The following CPNE2 variants were observed in gnomAD, a reference collection of about 807,000 sequenced individuals.
The protein encoded by CPNE2 is copine-2.
A neutral mutation model predicts 69.7 loss-of-function variants in CPNE2; 42 were observed. The observed-to-expected ratio is 0.60, with a 90% CI of 0.47 to 0.78. CPNE2 has a LOEUF of 0.78. Among genes scored for constraint, CPNE2 ranks in the 30% least tolerant of loss-of-function variants. The pLI, the probability that CPNE2 is intolerant of heterozygous loss-of-function variation, is 0.00. For synonymous variants in CPNE2, 294 were observed against 289.8 expected (o/e 1.01, Z -0.15); for missense variants, 587 against 732.0 (o/e 0.80, Z 2.29).
chr16:57,119,981 T>C (rs2069749560), intron 7 of CPNE2, among the ~76,000 whole-genome samples: 1 of 152,210 alleles, frequency 6.6e-6, no homozygotes, highest in African/African-American at 2.4e-5. Flanking sequence ...CTAAAAGCTC[T>C]CAGTCCTCTG....
At chr16:57,104,297 G>A (rs1424830151) in intron 1 of CPNE2, among the ~76,000 whole-genome samples, 1 of 152,234 alleles carries the variant, frequency 6.6e-6, no homozygotes, top group African/African-American at 2.4e-5. Flanking sequence ...AGGTCACAGA[G>A]CAGTTAAATG....
chr16:57,138,148 G>A (rs2069896572), intron 14 of CPNE2, among the ~76,000 whole-genome samples: 2 of 152,352 alleles, frequency 1.3e-5, no homozygotes, highest in African/African-American at 4.8e-5. Flanking sequence ...CTGGGTTGAG[G>A]AGACTTGACT....
chr16:57,093,169 T>C (rs906621170), intron 1 of CPNE2, among the ~76,000 whole-genome samples: 12 of 151,936 alleles, frequency 7.9e-5, no homozygotes, highest in African/African-American at 2.9e-4. Flanking sequence ...GAGGTCGCCC[T>C]GGCTCTCGGC....
chr16:57,144,153 G>C (rs922992734), intron 14 of CPNE2: 6 of 152,286 alleles, frequency 3.9e-5, no homozygotes, highest in South Asian at 4.1e-4. Flanking sequence ...GCCAGGGATG[G>C]GGGGCTGGCA....
chr16:57,123,937 C>T (rs75095217), intron 10 of CPNE2: 153 of 187,834 alleles, frequency 8.1e-4, no homozygotes, highest in African/African-American at 3.6e-3. Flanking sequence ...TGAAACACTT[C>T]CCCAGAACCT....
intron 13 of CPNE2, among the ~76,000 whole-genome samples, chr16:57,136,537 G>A (rs1431543992): frequency 4.6e-5 from 7 of 152,210 alleles, no homozygotes; most frequent in Non-Finnish European, 1.0e-4. Flanking sequence ...AACTGCCAGA[G>A]TGTAGATTAT....
At chr16:57,137,906 CA>C (rs2145279326) in intron 14 of CPNE2, among the ~76,000 whole-genome samples, 1 of 152,342 alleles carries the variant, frequency 6.6e-6, no homozygotes, top group Admixed American at 6.5e-5. Context: ...TCACCTTGCC[CA>C]CCTCCCCATT....
intron 1 of CPNE2, among the ~76,000 whole-genome samples, chr16:57,094,532 C>G (rs1184209674): frequency 6.6e-6 from 1 of 152,190 alleles, no homozygotes; most frequent in Non-Finnish European, 1.5e-5. Flanking sequence ...TCCTCCCAGT[C>G]CTCAGTTTTT....
Position 57,146,588 on chromosome 16 carries a change from T to G in CPNE2, c.1539+267T>G. 2.1e-6 allele frequency: 1 copy of G among 466,574 alleles called. No individual in the cohort carries two copies. The highest frequency in any genetic ancestry group is 3.9e-6 in the Non-Finnish European group (1 of 257,718). The allele number at this position is 466,574 out of a possible 1,614,324, so 28.9% of individuals were successfully genotyped here. ...CTAGCCTGAGGCTCTGGGGCAGGGC[T>G]TCCTGGAGGACCTGCCCTCTAGTGG... On this transcript the variant is annotated intron_variant, in intron 15 of 15. Coordinates refer to ENST00000290776, the MANE Select transcript of CPNE2 (RefSeq NM_152727.6). The surrounding 1 kb of genome is among the most constrained non-coding windows in gnomAD (Gnocchi z 4.4).
intron 8 of CPNE2, among the ~76,000 whole-genome samples, 181 bp downstream of exon 8, chr16:57,121,372 G>A (rs564522564): frequency 6.6e-6 from 1 of 152,288 alleles, no homozygotes; most frequent in South Asian, 2.1e-4. Context: ...ATTTGGGTGG[G>A]GATTGAATGA....
intron 1 of CPNE2, among the ~76,000 whole-genome samples, chr16:57,099,748 T>C (rs7203538): frequency 0.22 from 33,047 of 149,342 alleles, 4,950 homozygotes; most frequent in East Asian, 0.59. Context: ...ATTACAGGCA[T>C]CCGCCACCAT....
At chr16:57,110,230 T>C (rs1418020601) in intron 1 of CPNE2, among the ~76,000 whole-genome samples, 15 of 149,470 alleles carry the variant, frequency 1.0e-4, no homozygotes, top group South Asian at 4.2e-4. Context: ...TTTTCTTTTT[T>C]TTTTTTTTTT....
intron 11 of CPNE2, among the ~76,000 whole-genome samples, chr16:57,127,221 C>A (rs933622989): frequency 5.3e-5 from 8 of 152,018 alleles, no homozygotes; most frequent in African/African-American, 1.7e-4. Context: ...TTTGATTGGG[C>A]CTTAGAGGAT....
chr16:57,127,916 G>T lies in CPNE2; in HGVS notation c.1116+13G>T. On this transcript the variant is annotated intron_variant, in intron 12 of 15. Transcript: ENST00000290776. ...CCCAGACTGGAAGGTGAGTGAAACC[G>T]GAGTTAGTTTCCTTTTGGTTGAGAT... The T allele has an allele frequency of 6.2e-7, 1 of 1,613,908 alleles. No individual in the cohort carries two copies. Among genetic ancestry groups the T allele is most frequent in the Non-Finnish European group, 8.5e-7 (1 of 1,179,792 alleles).
chr16:57,122,674 C>A (rs1389131396), intron 9 of CPNE2, among the ~76,000 whole-genome samples: 1 of 152,142 alleles, frequency 6.6e-6, no homozygotes, highest in Non-Finnish European at 1.5e-5. Context: ...CTCACTGCAA[C>A]CTCCGCCTTC....
chr16:57,111,375 G>A (rs1408524066), intron 2 of CPNE2, among the ~76,000 whole-genome samples: 3 of 152,088 alleles, frequency 2.0e-5, no homozygotes, highest in East Asian at 1.9e-4. Flanking sequence ...ATGGGTTTTC[G>A]CCATGTTGGC....
intron 12 of CPNE2, among the ~76,000 whole-genome samples, chr16:57,128,316 G>A (rs1455560163): frequency 2.6e-5 from 4 of 152,034 alleles, no homozygotes; most frequent in Non-Finnish European, 4.4e-5. Context: ...AGCAACCTCC[G>A]CCTCCCAGGT....
intron 9 of CPNE2, among the ~76,000 whole-genome samples, chr16:57,122,736 G>A (rs1229527397): frequency 6.6e-6 from 1 of 152,128 alleles, no homozygotes; most frequent in East Asian, 1.9e-4. Flanking sequence ...GGGATTACAG[G>A]TGCATGCCAC....
At chr16:57,107,330 G>A (rs996889513) in intron 1 of CPNE2, among the ~76,000 whole-genome samples, 15 of 152,232 alleles carry the variant, frequency 9.9e-5, no homozygotes, top group Admixed American at 9.2e-4. Context: ...AACAAAGGCT[G>A]GGAGGGAGGG....
Sources: gnomAD v4.1 joint callset for allele counts (sites outside exome capture counted in the v4.1 genomes callset) on GRCh38, gnomAD v4.1.1 for gene constraint, Gnocchi (gnomAD v3.1) non-coding constraint, MANE v1.5 for transcripts, NCBI Gene and HGNC (gene_info 2026-07-23, HGNC 2026-07-21) for gene names.